The following ANAPC1 variants were observed in gnomAD, a reference collection of about 807,000 sequenced individuals.
ANAPC1 encodes anaphase-promoting complex subunit 1.
In ANAPC1, 36 loss-of-function variants were observed where a neutral mutation model predicts 208.0. The observed-to-expected ratio is 0.17, with a 90% CI of 0.13 to 0.23. The LOEUF (loss-of-function observed/expected upper bound fraction) is 0.23. Among genes scored for constraint, ANAPC1 ranks in the 10% least tolerant of loss-of-function variants. The pLI is 1.00. For synonymous variants in ANAPC1, 378 were observed against 695.2 expected, an observed-to-expected ratio of 0.54 and a Z score of 7.18; for missense variants, 942 against 2,011.6, an observed-to-expected ratio of 0.47 and a Z score of 10.17.
rs1254120584 is a variant in ANAPC1 at position 111,843,561 on chromosome 2, T to G, written c.1891A>C (p.Lys631Gln). 1 of 1,611,894 alleles carries G rather than the reference T, an allele frequency of 6.2e-7. No individual in the cohort carries two copies. The highest frequency in any genetic ancestry group is 1.1e-5 in the South Asian group (1 of 90,958). Residue 631 changes from lysine (K) to glutamine (Q), a missense_variant, in exon 17 of 48, where the codon AAA (lysine) becomes CAA (glutamine). Lys to Gln is a moderately conservative substitution (Grantham distance 53, BLOSUM62 1). Transcript: ENST00000341068. ...ACAAGCATCTGAACTGCTATTTCTTTTGGCAGGATAAACTTAATTGCTTGC... is the reference window on the plus strand; with the variant it reads ...ACAAGCATCTGAACTGCTATTTCTTGTGGCAGGATAAACTTAATTGCTTGC... ...CLQAIKFILPKEIAVQMLVKW... is the reference protein window; with the variant it reads ...CLQAIKFILPQEIAVQMLVKW...
intron 46 of ANAPC1, among the ~76,000 whole-genome samples, chr2:111,775,979 C>T (rs1376674272): frequency 6.6e-6 from 1 of 152,148 alleles, no homozygotes; most frequent in Non-Finnish European, 1.5e-5. Context: ...CAAGTATATC[C>T]CTCACAACTT....
At chr2:111,806,050 T>G in intron 29 of ANAPC1, among the ~76,000 whole-genome samples, 157 bp from the exon 30 acceptor site, 1 of 151,652 alleles carries the variant, frequency 6.6e-6, no homozygotes, top group African/African-American at 2.4e-5. Flanking sequence ...TGTCCACAAC[T>G]GTAGGTTTAC....
intron 1 of ANAPC1, among the ~76,000 whole-genome samples, chr2:111,883,162 T>C (rs1232085155): frequency 1.6e-5 from 1 of 63,114 alleles, no homozygotes; most frequent in African/African-American, 5.4e-5. Context: ...CAAGACTCCT[T>C]CTCAAAAAAA....
chr2:111,806,726 T>C (rs1326488072), intron 29 of ANAPC1, among the ~76,000 whole-genome samples: 2 of 151,232 alleles, frequency 1.3e-5, no homozygotes, highest in Admixed American at 6.6e-5. Flanking sequence ...AATTTCTGTG[T>C]ACTGATCCTA....
chr2:111,860,686 T>C (rs1285832552), intron 10 of ANAPC1, among the ~76,000 whole-genome samples: 2 of 151,910 alleles, frequency 1.3e-5, no homozygotes, highest in African/African-American at 4.9e-5. Flanking sequence ...GCTTCTCCCA[T>C]CTGACCTCTT....
rs368144224 is a variant in ANAPC1 at position 111,841,003 on chromosome 2, A to G, written c.2040+2409T>C. Among the ~76,000 whole-genome samples, 36 of 152,342 alleles carry G rather than the reference A, an allele frequency of 2.4e-4. 1 individual carries two copies. Among genetic ancestry groups the G allele is most frequent in the African/African-American group, 8.4e-4 (35 of 41,590 alleles). Reference sequence around the variant, plus strand: ...GGTTGTAGTGAGCCAGGATAGCGCCACTGCATTCCAGCCTAGACGACAGAG... The same window carrying G: ...GGTTGTAGTGAGCCAGGATAGCGCCGCTGCATTCCAGCCTAGACGACAGAG... On this transcript the variant is annotated intron_variant, in intron 17 of 47. Coordinates refer to ENST00000341068, the MANE Select transcript of ANAPC1 (RefSeq NM_022662.4).
downstream of ANAPC1, among the ~76,000 whole-genome samples, chr2:111,767,440 C>G (rs1407011978): frequency 1.3e-5 from 2 of 151,892 alleles, no homozygotes; most frequent in Non-Finnish European, 2.9e-5. Flanking sequence ...ATTTGATGAT[C>G]CAGCAGGCCT....
intron 33 of ANAPC1, among the ~76,000 whole-genome samples, 179 bp downstream of exon 33, chr2:111,802,249 A>C (rs1216787703): frequency 6.6e-6 from 1 of 152,240 alleles, no homozygotes; most frequent in Non-Finnish European, 1.5e-5. Flanking sequence ...TCATTCATTC[A>C]TGGAGAACAG....
In ANAPC1 at chr2:111,864,934, G is replaced by A. The variant is rs1374787635; in HGVS notation, c.703C>T (p.Arg235Trp). ...CKSGSLFGSSRVQYVVDHAMK... is the reference protein window; with the variant it reads ...CKSGSLFGSSWVQYVVDHAMK... Reference sequence around the variant, plus strand: ...GCATGATCTACAACATATTGCACCCGTGATGAACCAAAAAGACCTTAAAAA... The same window carrying A: ...GCATGATCTACAACATATTGCACCCATGATGAACCAAAAAGACCTTAAAAA... The change falls in exon 8 of 48, where the codon CGG becomes TGG. Residue 235 changes from arginine (R) to tryptophan (W), a missense_variant. Arg to Trp is a moderately radical substitution (Grantham distance 101, BLOSUM62 -3). Transcript: ENST00000341068. 1.1e-5 allele frequency: 18 copies of A among 1,610,552 alleles called. No individual in the cohort carries two copies. Among genetic ancestry groups the A allele is most frequent in the Non-Finnish European group, 1.5e-5 (18 of 1,179,414 alleles).
At position 111,794,268 on chromosome 2, in the gene ANAPC1, C is replaced by T. The variant is rs1304406090; in HGVS notation, c.4429G>A (p.Ala1477Thr). The T allele has an allele frequency of 6.2e-7, 1 of 1,613,074 alleles. No individual in the cohort carries two copies. The highest frequency in any genetic ancestry group is 1.1e-5 in the South Asian group (1 of 90,742). ...AATGCTGATAAGTTTTCTGAGCCAG[C>T]AAATCGAAAACCCAGAGACAAGCAG... ...GACLSLGFRF[A>T]GSENLSAFNC... The change falls in exon 36 of 48, where the codon GCT (alanine) becomes ACT (threonine). Residue 1477 changes from alanine to threonine, a missense_variant. Transcript: ENST00000341068.
rs750286537 is a variant in ANAPC1, at chr2:111,794,906, G to C, written c.4297-12C>G. 9.3e-5 allele frequency: 96 copies of C among 1,027,054 alleles called. No individual in the cohort carries two copies. The highest frequency in any genetic ancestry group is 3.5e-4 in the Admixed American group (14 of 40,456). 63.6% of individuals were successfully genotyped at this position (1,027,054 alleles called of 1,614,324 possible). Reference sequence around the variant, plus strand: ...TTTTCTCTTATAATCTGTCAATATAGAAAGCAAGAATACTTAGATATCAAT... The same window carrying C: ...TTTTCTCTTATAATCTGTCAATATACAAAGCAAGAATACTTAGATATCAAT... On this transcript the variant is annotated splice_polypyrimidine_tract_variant and intron_variant, in intron 34 of 47. Coordinates refer to ENST00000341068, the MANE Select transcript of ANAPC1 (RefSeq NM_022662.4).
At chr2:111,833,438 G>T (rs1223086825) in intron 19 of ANAPC1, 127 bp from the exon 20 acceptor site, 55 of 1,331,514 alleles carry the variant, frequency 4.1e-5, no homozygotes, top group Non-Finnish European at 4.7e-5. Context: ...CAAATCTAGA[G>T]TCTCTCTATT....
chr2:111,876,916 T>C (rs897335584), intron 3 of ANAPC1, among the ~76,000 whole-genome samples: 2 of 152,182 alleles, frequency 1.3e-5, no homozygotes, highest in Admixed American at 6.5e-5. Flanking sequence ...CTTTTTGTTA[T>C]AAAAATTTTC....
chr2:111,866,203 CAAAAA>C, intron 7 of ANAPC1: 3 of 216,194 alleles, frequency 1.4e-5, no homozygotes, highest in East Asian at 1.7e-4. Flanking sequence ...GACTCTGTCT[CAAAAA>C]AAAAAAAAAA....
intron 43 of ANAPC1, among the ~76,000 whole-genome samples, chr2:111,782,023 T>C (rs1450881188): frequency 6.6e-6 from 1 of 152,200 alleles, no homozygotes; most frequent in Non-Finnish European, 1.5e-5. Flanking sequence ...GTTTTCTATT[T>C]TTGCTATGAA....
At position 111,833,209 on chromosome 2, in the gene ANAPC1, C is replaced by T. The variant is rs762767574; in HGVS notation, c.2476+11G>A. ...ACTGTTTAGAAAATATTTAAAAGCA[C>T]GACTACTTACCTGGATCAATTGTGC... On this transcript the variant is annotated intron_variant, in intron 20 of 47. Transcript: ENST00000341068. The T allele has an allele frequency of 1.2e-4, 189 of 1,574,558 alleles. No homozygotes were observed. The highest frequency in any genetic ancestry group is 2.2e-4 in the South Asian group (19 of 85,978).
chr2:111,879,700 G>A (rs10178836), intron 2 of ANAPC1, among the ~76,000 whole-genome samples: 11,441 of 151,440 alleles, frequency 0.076, 594 homozygotes, highest in South Asian at 0.21. Context: ...GAGAAATCCC[G>A]CCTCTACTAA....
At chr2:111,847,264 A>G in intron 15 of ANAPC1, 66 bp from the exon 16 acceptor site, 1 of 1,155,146 alleles carries the variant, frequency 8.7e-7, no homozygotes, top group Non-Finnish European at 1.3e-6. Flanking sequence ...TGTCTTAAAA[A>G]TAGCTGGTAC....
intron 3 of ANAPC1, among the ~76,000 whole-genome samples, chr2:111,876,031 T>G (rs891446354): frequency 6.6e-6 from 1 of 152,096 alleles, no homozygotes; most frequent in Non-Finnish European, 1.5e-5. Flanking sequence ...TATGAGTCCT[T>G]CAATGGCAGA....
Sources: gnomAD v4.1 joint callset for allele counts (sites outside exome capture counted in the v4.1 genomes callset) on GRCh38, gnomAD v4.1.1 for gene constraint, MANE v1.5 for transcripts, NCBI Gene and HGNC (gene_info 2026-07-23, HGNC 2026-07-21) for gene names.